ANKRD24: variants seen among roughly 807,000 people sequenced by gnomAD.
ANKRD24 encodes the protein ankyrin repeat domain 24, also known as ankyrin repeat domain-containing protein 24.
Under a neutral mutation model 127.8 loss-of-function variants are expected in ANKRD24, and 109 were observed. That is an observed-to-expected ratio of 0.85 (90% CI 0.73 to 1.00). ANKRD24 has a LOEUF of 1.00. Among genes scored for constraint, ANKRD24 ranks in the 50% least tolerant of loss-of-function variants. The pLI, the probability that ANKRD24 is intolerant of heterozygous loss-of-function variation, is 0.00. For synonymous variants in ANKRD24, 743 were observed against 671.1 expected, an observed-to-expected ratio of 1.11 and a Z score of -1.66; for missense variants, 1,648 against 1,570.2, an observed-to-expected ratio of 1.05 and a Z score of -0.84.
Position 4,198,031 on chromosome 19 carries a change from G to A in ANKRD24, c.37-1652G>A. 4.9e-6 allele frequency: 2 copies of A among 409,654 alleles called. No individual in the cohort carries two copies. The highest frequency in any genetic ancestry group is 8.6e-6 in the Non-Finnish European group (2 of 231,452). The allele number at this position is 409,654 out of a possible 1,614,324, so 25.4% of individuals were successfully genotyped here. A position where few individuals can be genotyped will look rare whatever the true frequency, so the allele number is the denominator to read the frequency against. On this transcript the variant is annotated intron_variant, in intron 2 of 21. Coordinates refer to ENST00000318934, the MANE Select transcript of ANKRD24 (RefSeq NM_001393985.1). The surrounding 1 kb of genome is among the most constrained non-coding windows in gnomAD (Gnocchi z 6.1). ...TGAAAGTGTGAGTGGCGAGAGCCCT[G>A]CCGGCCGCGTGGAGGTGCGAGGCTG...
At chr19:4,193,297 C>CAA (rs71166975) in intron 2 of ANKRD24, among the ~76,000 whole-genome samples, 15,741 of 90,570 alleles carry the variant, frequency 0.17, 1,914 homozygotes, top group Middle Eastern at 0.21. Flanking sequence ...GCGACTCCAT[C>CAA]AAAAAAAAAA....
intron 15 of ANKRD24, 82 bp downstream of exon 15, chr19:4,212,780 C>A: frequency 7.9e-7 from 1 of 1,266,914 alleles, no homozygotes; most frequent in Non-Finnish European, 1.1e-6. Flanking sequence ...ACAGTCACAC[C>A]AGTGCATGCA....
rs1443348434 is a variant in ANKRD24 at position 4,217,438 on chromosome 19, G to A, written c.2278G>A (p.Glu760Lys). The change falls in exon 18 of 22, where the codon GAG (glutamate) becomes AAG (lysine). Residue 760 changes from glutamate to lysine, a missense_variant. By Grantham distance (56) the Glu-to-Lys change is moderately conservative. Transcript: ENST00000318934. Reference sequence around the variant, plus strand: ...GGGGAAGTGCGAGGCCGCGGAGGCCGAGGCAGGCCGGCTGCGAGAGCGTGT... The same window carrying A: ...GGGGAAGTGCGAGGCCGCGGAGGCCAAGGCAGGCCGGCTGCGAGAGCGTGT... ...ALGKCEAAEA[E>K]AGRLRERVRE... The A allele has an allele frequency of 2.6e-6, 4 of 1,531,948 alleles. No homozygotes were observed. The highest frequency in any genetic ancestry group is 2.4e-5 in the South Asian group (2 of 82,162). The allele number at this position is 1,531,948 out of a possible 1,614,324, so 94.9% of individuals were successfully genotyped here. A position where few individuals can be genotyped will look rare whatever the true frequency, so the allele number is the denominator to read the frequency against.
chr19:4,206,744 G>A (rs531195969), intron 7 of ANKRD24, among the ~76,000 whole-genome samples: 1 of 152,272 alleles, frequency 6.6e-6, no homozygotes, highest in South Asian at 2.1e-4. Context: ...GGCCTCAGTT[G>A]CTGCATCTGT....
intron 9 of ANKRD24, 81 bp from the exon 10 acceptor site, chr19:4,207,700 C>T: frequency 1.3e-6 from 2 of 1,590,714 alleles, no homozygotes; most frequent in South Asian, 1.1e-5. Context: ...GCCTCCTCTT[C>T]CCAGCCTGGC....
At chr19:4,186,159 A>G (rs1968048722) in intron 1 of ANKRD24, 1 of 1,025,098 alleles carries the variant, frequency 9.8e-7, no homozygotes, top group East Asian at 3.6e-5. Context: ...GAGTTGGTCA[A>G]GAAAGGATCA....
At chr19:4,185,704 C>G (rs962820010) in intron 1 of ANKRD24, among the ~76,000 whole-genome samples, 10 of 152,214 alleles carry the variant, frequency 6.6e-5, no homozygotes, top group Non-Finnish European at 1.0e-4. Flanking sequence ...ATTGCTGTCA[C>G]ATGGAGGTTC....
At chr19:4,213,692 G>A (rs1969900255) in intron 15 of ANKRD24, among the ~76,000 whole-genome samples, 1 of 151,890 alleles carries the variant, frequency 6.6e-6, no homozygotes, top group South Asian at 2.1e-4. Flanking sequence ...GTGCAGTGGT[G>A]CAATCTCAGC....
intron 21 of ANKRD24, 106 bp from the exon 22 acceptor site, chr19:4,224,321 CT>C (rs1402035219): frequency 7.0e-6 from 10 of 1,425,202 alleles, no homozygotes; most frequent in Non-Finnish European, 9.7e-6. Context: ...GGGAGCCCCC[CT>C]GTGTGCATTT....
chr19:4,207,217 C>G, intron 7 of ANKRD24, 25 bp from the exon 8 acceptor site: 1 of 1,611,342 alleles, frequency 6.2e-7, no homozygotes, highest in Non-Finnish European at 8.5e-7. Flanking sequence ...AGCTACCGCA[C>G]CGGACAACCT....
Position 4,199,784 on chromosome 19 carries a change from G to T in ANKRD24, c.123+15G>T. On this transcript the variant is annotated intron_variant, in intron 3 of 21. Coordinates refer to ENST00000318934, the MANE Select transcript of ANKRD24 (RefSeq NM_001393985.1). The surrounding 1 kb of genome is among the most constrained non-coding windows in gnomAD (Gnocchi z 5.2). ...GCAGGCGCCAGGCAAGTGCCCAGGG[G>T]CAGGTGGTGAGAGCCCGGAGCCCCT... 1.3e-6 allele frequency: 2 copies of T among 1,534,272 alleles called. No individual in the cohort carries two copies. The highest frequency in any genetic ancestry group is 8.8e-7 in the Non-Finnish European group (1 of 1,141,580).
chr19:4,223,386 TATATATATATATATA>T (rs1970552363), intron 20 of ANKRD24, among the ~76,000 whole-genome samples: 1 of 82,482 alleles, frequency 1.2e-5, no homozygotes, highest in African/African-American at 6.3e-5. Flanking sequence ...TATATATATA[TATATATATATATATA>T]TTTTTTTTTT....
rs1350390998 is a variant in ANKRD24 at position 4,217,751 on chromosome 19, G to A, written c.2591G>A (p.Gly864Glu). The A allele has an allele frequency of 5.4e-6, 7 of 1,299,036 alleles. No individual in the cohort carries two copies. The highest frequency in any genetic ancestry group is 6.8e-6 in the Non-Finnish European group (7 of 1,027,574). The allele number at this position is 1,299,036 out of a possible 1,614,324, so 80.5% of individuals were successfully genotyped here. A position where few individuals can be genotyped will look rare whatever the true frequency, so the allele number is the denominator to read the frequency against. Residue 864 changes from glycine (G) to glutamate (E), a missense_variant, in exon 18 of 22, where the codon GGG becomes GAG. Physicochemically the swap from Gly to Glu is moderately conservative, Grantham distance 98. Transcript: ENST00000318934. ...CAGCTGGCCACGGCCAGGGCCACGG[G>A]GGAGCAGCAGCGCACGGCGGCCGCG... ...REQLATARAT[G>E]EQQRTAAAEL...
chr19:4,186,204 G>A (rs1968052137), intron 1 of ANKRD24, 186 bp from the exon 2 acceptor site: 1 of 1,346,382 alleles, frequency 7.4e-7, no homozygotes, highest in South Asian at 1.5e-5. Context: ...AAGTAAAACA[G>A]AGAGGGCAAG....
At chr19:4,187,500 A>G (rs935014169) in intron 2 of ANKRD24, among the ~76,000 whole-genome samples, 5 of 152,210 alleles carry the variant, frequency 3.3e-5, no homozygotes, top group African/African-American at 1.2e-4. Context: ...CAGCCAGTGC[A>G]AAGGCCCTGA....
intron 1 of ANKRD24, among the ~76,000 whole-genome samples, chr19:4,184,349 C>G (rs1319183649): frequency 6.6e-6 from 1 of 152,166 alleles, no homozygotes; most frequent in African/African-American, 2.4e-5. Flanking sequence ...GACGGAGGAT[C>G]CCCTTATGGC....
At position 4,210,352 on chromosome 19, in the gene ANKRD24, A is replaced by G. The variant is rs777701096; in HGVS notation, c.1039A>G (p.Lys347Glu). 66 of 1,568,698 alleles carry G rather than the reference A, an allele frequency of 4.2e-5. No homozygotes were observed. Among genetic ancestry groups the G allele is most frequent in the Non-Finnish European group, 5.4e-5 (62 of 1,157,470 alleles). Residue 347 changes from lysine to glutamate, a missense_variant, in exon 13 of 22, where the codon AAG (lysine) becomes GAG (glutamate). Physicochemically the swap from Lys to Glu is moderately conservative, Grantham distance 56. Coordinates refer to ENST00000318934, the MANE Select transcript of ANKRD24 (RefSeq NM_001393985.1). ...GAAGATCCGGGGCCTGGAACAGCAC[A>G]AGGAACGGAGGCAGCAGGAGGTTAG... is the stretch of plus-strand genomic sequence containing the variant. Reference protein sequence around the residue: ...LQKIRGLEQHKERRQQESPEA... With the variant: ...LQKIRGLEQHEERRQQESPEA...
intron 19 of ANKRD24, 25 bp downstream of exon 19, chr19:4,219,783 A>G (rs751179652): frequency 2.5e-6 from 4 of 1,575,700 alleles, no homozygotes; most frequent in South Asian, 1.1e-5. Context: ...TCCCACACTC[A>G]GTCAGGGAGG....
intron 1 of ANKRD24, among the ~76,000 whole-genome samples, chr19:4,182,965 T>TTGTGTGTGTGCG (rs1967815604): frequency 7.2e-6 from 1 of 138,582 alleles, no homozygotes; most frequent in Non-Finnish European, 1.6e-5. Flanking sequence ...AATATCTCAT[T>TTGTGTGTGTGCG]TGTGTGTGTG....
Sources: allele counts gnomAD v4.1 joint callset (sites outside exome capture counted in the v4.1 genomes callset), GRCh38; gene constraint gnomAD v4.1.1; non-coding constraint Gnocchi (gnomAD v3.1); transcripts MANE v1.5; gene names NCBI Gene and HGNC (gene_info 2026-07-23, HGNC 2026-07-21).